Variants in DGCR8 observed in about 807,000 individuals in gnomAD.
DGCR8 encodes the protein microprocessor complex subunit DGCR8.
DGCR8 carries 14 observed loss-of-function variants against 78.5 expected under a neutral mutation model. That is an observed-to-expected ratio of 0.18 (90% confidence interval 0.12 to 0.28). The LOEUF (loss-of-function observed/expected upper bound fraction) is 0.28. Among genes scored for constraint, DGCR8 ranks in the 10% least tolerant of loss-of-function variants. The pLI, the probability that DGCR8 is intolerant of heterozygous loss-of-function variation, is 1.00. For synonymous variants in DGCR8, 399 were observed against 402.4 expected (o/e 0.99, Z 0.10); for missense variants, 702 against 1,022.5 (o/e 0.69, Z 4.28).
In DGCR8 at chr22:20,080,253, G is replaced by A. The variant is rs1268048296; in HGVS notation, c.-408G>A. 1.1e-4 allele frequency: 107 copies of A among 975,648 alleles called. No individual in the cohort carries two copies. Among genetic ancestry groups the A allele is most frequent in the Admixed American group, 1.3e-4 (2 of 15,862 alleles). 60.4% of individuals were successfully genotyped at this position (975,648 alleles called of 1,614,324 possible). Reference sequence around the variant, plus strand: ...GCGAAGGCCCGCCCTCCGCTCGCCCGGCGCGGCAGGCGGGTGCCGGCGACC... The same window carrying A: ...GCGAAGGCCCGCCCTCCGCTCGCCCAGCGCGGCAGGCGGGTGCCGGCGACC... On this transcript the variant is annotated 5_prime_UTR_variant, in exon 1 of 14. Coordinates refer to ENST00000351989, the MANE Select transcript of DGCR8 (RefSeq NM_022720.7).
rs764717864 is a variant in DGCR8 at position 20,087,356 on chromosome 22, G to C, written c.880+35G>C. ...TGGGTCAGAAGCAGTGGGTGTTCCA[G>C]GGCAGTGGAGGGGTGGTTGCTTCCT... is the stretch of plus-strand genomic sequence containing the variant. On this transcript the variant is annotated intron_variant, in intron 3 of 13. Coordinates refer to ENST00000351989, the MANE Select transcript of DGCR8 (RefSeq NM_022720.7). This position sits in a 1 kb window ranked among gnomAD's most constrained non-coding sequence, Gnocchi z 4.1. 1 of 1,564,000 alleles carries C rather than the reference G, an allele frequency of 6.4e-7. No homozygotes were observed. Among genetic ancestry groups the C allele is most frequent in the East Asian group, 2.3e-5 (1 of 42,786 alleles).
intron 8 of DGCR8, 37 bp from the exon 9 acceptor site, chr22:20,094,676 T>G (rs2049606440): frequency 1.9e-6 from 3 of 1,582,016 alleles, no homozygotes; most frequent in Non-Finnish European, 2.6e-6. Context: ...AAGAGGGCAG[T>G]GCCCAAGCCT....
chr22:20,104,539 C>T (rs1031149531), intron 9 of DGCR8, among the ~76,000 whole-genome samples: 23 of 152,234 alleles, frequency 1.5e-4, no homozygotes, highest in Non-Finnish European at 2.6e-4. Flanking sequence ...GCCTCAGCTT[C>T]TCCAGGGCCA....
chr22:20,089,739 G>A lies in DGCR8; in HGVS notation c.951G>A (p.Pro317=), dbSNP rs777666470. ...TGACATTCCATAACTCTGGAGTCCC[G>A]GTGTACCTACACAGAGAGTCTCGGG... ...WIMTFHNSGV[P]VYLHRESRVV... Residue 317 remains proline, a synonymous_variant, in exon 4 of 14, where the codon CCG becomes CCA. Coordinates refer to ENST00000351989, the MANE Select transcript of DGCR8 (RefSeq NM_022720.7). The surrounding 1 kb of genome is among the most constrained non-coding windows in gnomAD (Gnocchi z 4.9). The A allele has an allele frequency of 1.2e-5, 20 of 1,613,774 alleles. No homozygotes were observed. Among genetic ancestry groups the A allele is most frequent in the African/African-American group, 1.3e-5 (1 of 74,814 alleles).
Position 20,111,669 on chromosome 22 carries a change from C to T in DGCR8, c.*1561C>T, listed in dbSNP as rs1465758957. 2.9e-6 allele frequency: 1 copy of T among 345,750 alleles called. No homozygotes were observed. Among genetic ancestry groups the T allele is most frequent in the East Asian group, 4.0e-5 (1 of 24,794 alleles). 21.4% of individuals were successfully genotyped at this position (345,750 alleles called of 1,614,324 possible). ...GTGTCTTGCTGTTCCCAGGCACCAC[C>T]ACAGCAGGTGCTGCCATACTCTTGT... On this transcript the variant is annotated 3_prime_UTR_variant, in exon 14 of 14. Transcript: ENST00000351989.
At chr22:20,083,168 T>G (rs891655999) in intron 1 of DGCR8, among the ~76,000 whole-genome samples, 11 of 152,344 alleles carry the variant, frequency 7.2e-5, no homozygotes, top group African/African-American at 2.6e-4. Flanking sequence ...ATGCAGGCCA[T>G]GAGGCCTTCT....
chr22:20,094,548 C>CT (rs1279312773), intron 8 of DGCR8, among the ~76,000 whole-genome samples, 165 bp from the exon 9 acceptor site: 2 of 152,238 alleles, frequency 1.3e-5, no homozygotes, highest in Non-Finnish European at 2.9e-5. Context: ...TGGGCTTTTC[C>CT]TTCTGTCCTC....
intron 7 of DGCR8, 71 bp downstream of exon 7, chr22:20,092,041 A>G: frequency 8.2e-7 from 1 of 1,215,932 alleles, no homozygotes; most frequent in Non-Finnish European, 1.2e-6. Flanking sequence ...CTGGGGAGGC[A>G]GGCGCTGACC....
At chr22:20,105,360 G>A (rs534180607) in intron 9 of DGCR8, among the ~76,000 whole-genome samples, 3 of 152,336 alleles carry the variant, frequency 2.0e-5, no homozygotes, top group African/African-American at 7.2e-5. Flanking sequence ...TAAACCTCTT[G>A]TTCTAAGCCA....
Position 20,090,277 on chromosome 22 carries a change from C to T in DGCR8, c.1306+19C>T. The T allele has an allele frequency of 1.3e-6, 2 of 1,572,530 alleles. No individual in the cohort carries two copies. The highest frequency in any genetic ancestry group is 1.7e-6 in the Non-Finnish European group (2 of 1,163,900). On this transcript the variant is annotated intron_variant, in intron 5 of 13. Coordinates refer to ENST00000351989, the MANE Select transcript of DGCR8 (RefSeq NM_022720.7). ...TCCGTTGGTGAGTTTTTGAAGGACT[C>T]TTCCCTTCTTGCCTCCTGGGACCCA... is the stretch of plus-strand genomic sequence containing the variant.
At chr22:20,100,405 A>T (rs2049683623) in intron 9 of DGCR8, 1 of 985,246 alleles carries the variant, frequency 1.0e-6, no homozygotes, top group South Asian at 4.7e-5. Flanking sequence ...CGTGGGAAAT[A>T]TGGCTCCCAG....
chr22:20,093,328 A>G (rs1037416919), intron 8 of DGCR8, among the ~76,000 whole-genome samples: 82 of 152,092 alleles, frequency 5.4e-4, no homozygotes, highest in African/African-American at 1.6e-3. Flanking sequence ...TGGCGTGAAC[A>G]AGCGAGGCAG....
chr22:20,105,468 C>T (rs1428440672), intron 9 of DGCR8, among the ~76,000 whole-genome samples: 2 of 152,260 alleles, frequency 1.3e-5, no homozygotes, highest in African/African-American at 4.8e-5. Flanking sequence ...AGGAGGCACT[C>T]TCAGCTTCAG....
chr22:20,104,534 A>C (rs2049747605), intron 9 of DGCR8, among the ~76,000 whole-genome samples: 2 of 152,116 alleles, frequency 1.3e-5, no homozygotes, highest in South Asian at 4.1e-4. Context: ...CCACTGCCTC[A>C]GCTTCTCCAG....
chr22:20,106,357 G>A (rs2049769962), intron 10 of DGCR8, 80 bp downstream of exon 10: 2 of 1,296,044 alleles, frequency 1.5e-6, no homozygotes, highest in Admixed American at 3.6e-5. Context: ...GTGGCTGTTT[G>A]TCCCAAGGCA....
chr22:20,092,993 G>C, intron 8 of DGCR8, 86 bp downstream of exon 8: 1 of 965,548 alleles, frequency 1.0e-6, no homozygotes, highest in Non-Finnish European at 1.6e-6. Context: ...GAGCAGTGGT[G>C]ACAAGTGGGG....
chr22:20,091,693 T>C lies in DGCR8; in HGVS notation c.1504+61T>C. 14 of 1,585,298 alleles carry C rather than the reference T, an allele frequency of 8.8e-6. No individual in the cohort carries two copies. In the South Asian group the frequency reaches 1.6e-4, roughly 18 times the overall value. On this transcript the variant is annotated intron_variant, in intron 6 of 13. Coordinates refer to ENST00000351989, the MANE Select transcript of DGCR8 (RefSeq NM_022720.7). Reference sequence around the variant, plus strand: ...TTATGCTGTTATTTCTAATGTGATGTGTTGAGGGCATGTTTTATGAGTTGC... The same window carrying C: ...TTATGCTGTTATTTCTAATGTGATGCGTTGAGGGCATGTTTTATGAGTTGC...
intron 1 of DGCR8, among the ~76,000 whole-genome samples, chr22:20,081,631 A>G (rs1344247676): frequency 6.6e-6 from 1 of 152,166 alleles, no homozygotes; most frequent in Admixed American, 6.5e-5. Context: ...CTCCTTTGTG[A>G]TGTCACCCAG....
intron 7 of DGCR8, among the ~76,000 whole-genome samples, chr22:20,092,335 T>C (rs1208413115): frequency 6.6e-6 from 1 of 152,188 alleles, no homozygotes; most frequent in Non-Finnish European, 1.5e-5. Context: ...GAAGGGTTCT[T>C]GGGCATGCAT....
Sources: gnomAD v4.1 joint callset for allele counts (sites outside exome capture counted in the v4.1 genomes callset) on GRCh38, gnomAD v4.1.1 for gene constraint, Gnocchi (gnomAD v3.1) non-coding constraint, MANE v1.5 for transcripts, NCBI Gene and HGNC (gene_info 2026-07-23, HGNC 2026-07-21) for gene names.